Variants in RHOBTB3 observed in about 807,000 individuals in gnomAD.
RHOBTB3 encodes Rho related BTB domain containing 3, also known as rho-related BTB domain-containing protein 3.
A neutral mutation model predicts 67.2 loss-of-function variants in RHOBTB3; 47 were observed. The ratio of observed to expected loss-of-function variants is 0.70; its 90% CI spans 0.55 to 0.89. The LOEUF (loss-of-function observed/expected upper bound fraction) is 0.89. Ranked by LOEUF, RHOBTB3 falls within the 40% of genes least tolerant of loss-of-function variation. The pLI, the probability that RHOBTB3 is intolerant of heterozygous loss-of-function variation, is 0.00. For synonymous variants in RHOBTB3, 273 were observed against 274.2 expected, an observed-to-expected ratio of 1.00 and a Z score of 0.04; for missense variants, 631 against 750.0, an observed-to-expected ratio of 0.84 and a Z score of 1.85.
chr5:95,737,398 G>T (rs949781144), intron 3 of RHOBTB3, among the ~76,000 whole-genome samples: 17 of 152,326 alleles, frequency 1.1e-4, no homozygotes, highest in Middle Eastern at 3.4e-3. Context: ...TCTTTTTGAT[G>T]ATCTGAAGGT....
intron 3 of RHOBTB3, among the ~76,000 whole-genome samples, chr5:95,743,252 C>T (rs1014386516): frequency 6.6e-6 from 1 of 151,990 alleles, no homozygotes; most frequent in Non-Finnish European, 1.5e-5. Context: ...TCTTAATTTG[C>T]CTACTTTTGC....
intron 10 of RHOBTB3, among the ~76,000 whole-genome samples, chr5:95,786,140 A>G (rs1746217003): frequency 6.6e-6 from 1 of 152,206 alleles, no homozygotes; most frequent in African/African-American, 2.4e-5. Context: ...TAATTTGGCA[A>G]TTGTGAATTC....
intron 6 of RHOBTB3, among the ~76,000 whole-genome samples, chr5:95,757,552 TTAA>T (rs1745283109): frequency 6.6e-6 from 1 of 152,266 alleles, no homozygotes; most frequent in Admixed American, 6.5e-5. Context: ...CAGCCTTTAT[TTAA>T]GTAATTGATG....
Position 95,732,027 on chromosome 5 carries a change from G to C in RHOBTB3, c.171G>C (p.Glu57Asp), listed in dbSNP as rs1755285652. Residue 57 changes from glutamate (E) to aspartate (D), a missense_variant, in exon 2 of 12, where the codon GAG becomes GAC. By Grantham distance (45) the Glu-to-Asp change is conservative. Transcript: ENST00000379982. ...ASTVARPVFT[E>D]YQASAFGNVK... is the part of the protein sequence containing the mutation. ...CGGTCGCGCGTCCGGTGTTCACCGA[G>C]TATCAGGCCAGTGCGTTTGGGAATG... The C allele has an allele frequency of 6.2e-7, 1 of 1,614,084 alleles. No homozygotes were observed. Among genetic ancestry groups the C allele is most frequent in the East Asian group, 2.2e-5 (1 of 44,882 alleles).
In RHOBTB3 at chr5:95,763,489, T is replaced by A. The variant is rs1339307950; in HGVS notation, c.1049-19T>A. 2.1e-6 allele frequency: 3 copies of A among 1,395,390 alleles called. No homozygotes were observed. Among genetic ancestry groups the A allele is most frequent in the Non-Finnish European group, 3.0e-6 (3 of 987,038 alleles). 86.4% of individuals were successfully genotyped at this position (1,395,390 alleles called of 1,614,324 possible). ...CCTCATTTAACAGAAAAATCCAGCA[T>A]GTACTAATTTGTTTACAGGTGCTTT... On this transcript the variant is annotated intron_variant, in intron 6 of 11. Transcript: ENST00000379982.
intron 10 of RHOBTB3, among the ~76,000 whole-genome samples, chr5:95,788,509 T>A (rs1746284709): frequency 6.6e-6 from 1 of 152,208 alleles, no homozygotes; most frequent in Admixed American, 6.5e-5. Context: ...TTAAAGACGT[T>A]TGGCCACTCC....
At chr5:95,766,802 G>A (rs929723410) in intron 7 of RHOBTB3, among the ~76,000 whole-genome samples, 2 of 152,136 alleles carry the variant, frequency 1.3e-5, no homozygotes, top group Admixed American at 6.5e-5. Context: ...CAGGACAGAC[G>A]AGTTATCAAG....
intron 3 of RHOBTB3, among the ~76,000 whole-genome samples, chr5:95,737,640 G>A (rs1029218735): frequency 2.0e-5 from 3 of 152,130 alleles, no homozygotes; most frequent in Non-Finnish European, 2.9e-5. Flanking sequence ...TGATTTGGTG[G>A]TATTTTACAG....
rs1755455273 is a variant in RHOBTB3, at chr5:95,736,376, G to A, written c.229-513G>A. On this transcript the variant is annotated intron_variant, in intron 2 of 11. Transcript: ENST00000379982. ...TATATACAGTACTGTCCAAAGGATG[G>A]ATAAAGTTGAAAAGTATACATGAAT... is the stretch of plus-strand genomic sequence containing the variant. Among the ~76,000 whole-genome samples the A allele has an allele frequency of 2.0e-5, 3 of 152,254 alleles. No homozygotes were observed. In the South Asian group the frequency reaches 6.2e-4, roughly 32 times the overall value.
At chr5:95,766,057 A>G (rs148146522) in intron 7 of RHOBTB3, among the ~76,000 whole-genome samples, 3 of 152,160 alleles carry the variant, frequency 2.0e-5, no homozygotes, top group Non-Finnish European at 4.4e-5. Flanking sequence ...TATGTTGTGT[A>G]TAGGATCTCA....
chr5:95,754,864 A>C (rs1745196353), intron 5 of RHOBTB3, among the ~76,000 whole-genome samples: 2 of 152,326 alleles, frequency 1.3e-5, no homozygotes, highest in South Asian at 2.1e-4. Flanking sequence ...TGACTCTGAG[A>C]AGTTGCACAA....
Position 95,795,088 on chromosome 5 carries a change from G to A in RHOBTB3, c.*1914G>A, listed in dbSNP as rs1307888945. The A allele has an allele frequency of 4.4e-5, 6 of 136,634 alleles. No homozygotes were observed. The highest frequency in any genetic ancestry group is 9.2e-5 in the Non-Finnish European group (6 of 65,052). The allele number at this position is 136,634 out of a possible 1,614,324, so 8.5% of individuals were successfully genotyped here. On this transcript the variant is annotated 3_prime_UTR_variant, in exon 12 of 12. Coordinates refer to ENST00000379982, the MANE Select transcript of RHOBTB3 (RefSeq NM_014899.4). ...CTGCACTCCAGCCTGGGTGACAAGA[G>A]CGAAACTCCATCTCAAAAAAAAAAA...
chr5:95,766,269 A>C (rs1260322593), intron 7 of RHOBTB3, among the ~76,000 whole-genome samples: 1 of 151,752 alleles, frequency 6.6e-6, no homozygotes, highest in Admixed American at 6.6e-5. Flanking sequence ...TGCTGATGTT[A>C]TATGTTTATT....
At chr5:95,739,688 A>G (rs1755546518) in intron 3 of RHOBTB3, among the ~76,000 whole-genome samples, 1 of 152,060 alleles carries the variant, frequency 6.6e-6, no homozygotes, top group Non-Finnish European at 1.5e-5. Flanking sequence ...AGTAGCAAGG[A>G]CTACAGGCAC....
intron 8 of RHOBTB3, among the ~76,000 whole-genome samples, chr5:95,777,038 A>G (rs1201320089): frequency 1.3e-5 from 2 of 152,218 alleles, no homozygotes; most frequent in African/African-American, 4.8e-5. Context: ...ATCCTCAAAT[A>G]TATATATTTT....
At position 95,794,754 on chromosome 5, in the gene RHOBTB3, G is replaced by A. The variant is rs1002751224; in HGVS notation, c.*1580G>A. On this transcript the variant is annotated 3_prime_UTR_variant, in exon 12 of 12. Coordinates refer to ENST00000379982, the MANE Select transcript of RHOBTB3 (RefSeq NM_014899.4). ...AAAAATTTGATTAAATGGTTTTATAGTATAATATTGGGACCCCATACCGTT... is the reference window on the plus strand; with the variant it reads ...AAAAATTTGATTAAATGGTTTTATAATATAATATTGGGACCCCATACCGTT... The A allele has an allele frequency of 6.6e-6, 1 of 152,110 alleles. No homozygotes were observed. Among genetic ancestry groups the A allele is most frequent in the Non-Finnish European group, 1.5e-5 (1 of 68,034 alleles). 9.4% of individuals were successfully genotyped at this position (152,110 alleles called of 1,614,324 possible).
At chr5:95,750,577 C>G (rs1231458889) in intron 4 of RHOBTB3, among the ~76,000 whole-genome samples, 1 of 152,340 alleles carries the variant, frequency 6.6e-6, no homozygotes, top group East Asian at 1.9e-4. Flanking sequence ...ACAGAAAGGT[C>G]TATGGAATAG....
At chr5:95,724,326 T>C (rs140311345) in intron 1 of RHOBTB3, among the ~76,000 whole-genome samples, 31 of 152,370 alleles carry the variant, frequency 2.0e-4, no homozygotes, top group Admixed American at 4.6e-4. Context: ...TGCAAAATGT[T>C]ACTCATCTGT....
Position 95,732,008 on chromosome 5 carries a change from C to T in RHOBTB3, c.152C>T (p.Ala51Val), listed in dbSNP as rs760167265. 4.3e-5 allele frequency: 70 copies of T among 1,614,182 alleles called. 2 individuals carry two copies. In the South Asian group the frequency reaches 7.6e-4, roughly 17 times the overall value. Residue 51 changes from alanine (A) to valine (V), a missense_variant, in exon 2 of 12, where the codon GCG becomes GTG. Transcript: ENST00000379982. ...SLLLNAASTV[A>V]RPVFTEYQAS... ...TTGCTGAACGCGGCCAGCACGGTCG[C>T]GCGTCCGGTGTTCACCGAGTATCAG...
Sources: allele counts gnomAD v4.1 joint callset (sites outside exome capture counted in the v4.1 genomes callset), GRCh38; gene constraint gnomAD v4.1.1; transcripts MANE v1.5; gene names NCBI Gene and HGNC (gene_info 2026-07-23, HGNC 2026-07-21).